NTRK1: variants seen among roughly 807,000 people sequenced by gnomAD.
NTRK1 encodes the protein high affinity nerve growth factor receptor.
Under a neutral mutation model 86.8 loss-of-function variants are expected in NTRK1, and 62 were observed. The ratio of observed to expected loss-of-function variants is 0.71; its 90% confidence interval spans 0.58 to 0.88. The LOEUF is 0.88. NTRK1 is among the 40% of genes least tolerant of loss of function. The pLI, the probability that NTRK1 is intolerant of heterozygous loss-of-function variation, is 0.00. For synonymous variants in NTRK1, 469 were observed against 456.6 expected (o/e 1.03, Z -0.35); for missense variants, 967 against 1,078.4 (o/e 0.90, Z 1.45).
intron 1 of NTRK1, among the ~76,000 whole-genome samples, chr1:156,826,372 C>T (rs931408802): frequency 6.2e-5 from 9 of 144,804 alleles, no homozygotes; most frequent in Non-Finnish European, 1.3e-4. Context: ...GTGATCTCGG[C>T]TCACTGCAAG....
Position 156,876,392 on chromosome 1 carries a change from C to A in NTRK1, c.1633-8C>A. 1.2e-6 allele frequency: 2 copies of A among 1,613,682 alleles called. No homozygotes were observed. Among genetic ancestry groups the A allele is most frequent in the Non-Finnish European group, 1.7e-6 (2 of 1,180,000 alleles). On this transcript the variant is annotated splice_polypyrimidine_tract_variant and splice_region_variant and intron_variant, in intron 13 of 16. Transcript: ENST00000524377. ...CAACTCAGTCCTGTCCCTGCCGCTT[C>A]CATCCAGGCACTGAAGGAGGCGTCC... is the stretch of plus-strand genomic sequence containing the variant.
At chr1:156,821,676 T>C (rs1654195703) in intron 1 of NTRK1, among the ~76,000 whole-genome samples, 1 of 152,194 alleles carries the variant, frequency 6.6e-6, no homozygotes, top group African/African-American at 2.4e-5. Context: ...TACTTCAAAA[T>C]GAGCTGCAAA....
At chr1:156,860,861 C>CGG, upstream of NTRK1, 1 of 1,382,728 alleles carries the variant, frequency 7.2e-7, no homozygotes, top group Non-Finnish European at 9.3e-7. Context: ...GCGCACATGT[C>CGG]GGGGGAGGCC....
chr1:156,851,620 G>A, intron 2 of NTRK1: 1 of 1,614,048 alleles, frequency 6.2e-7, no homozygotes. Flanking sequence ...CAGGAGGAGG[G>A]GTGTGGCCCC....
chr1:156,876,417 C>CATCCAGGCACTGAAG lies in NTRK1; in HGVS notation c.1650_1651insATCCAGGCACTGAAG (p.Ser550_Glu551insIleGlnAlaLeuLys). On this transcript the variant is annotated inframe_insertion, in exon 14 of 17. Coordinates refer to ENST00000524377, the MANE Select transcript of NTRK1 (RefSeq NM_002529.4). ...CCATCCAGGCACTGAAGGAGGCGTC[C>CATCCAGGCACTGAAG]GAGAGTGCTCGGCAGGACTTCCAGC... 1 of 1,613,826 alleles carries CATCCAGGCACTGAAG rather than the reference C, an allele frequency of 6.2e-7. No individual in the cohort carries two copies. Among genetic ancestry groups the CATCCAGGCACTGAAG allele is most frequent in the Non-Finnish European group, 8.5e-7 (1 of 1,180,032 alleles).
chr1:156,869,015 TCTC>T (rs1474275533), intron 6 of NTRK1, among the ~76,000 whole-genome samples: 3 of 31,348 alleles, frequency 9.6e-5, no homozygotes, highest in Non-Finnish European at 2.1e-4. Context: ...CACTTTTCTC[TCTC>T]CCTTCCTTCC....
At chr1:156,875,391 C>T (rs1009577613) in intron 11 of NTRK1, 129 bp from the exon 12 acceptor site, 2 of 1,281,818 alleles carry the variant, frequency 1.6e-6, no homozygotes, top group African/African-American at 1.5e-5. Flanking sequence ...TGCCTGCTGT[C>T]TCGCTCCCTA....
intron 1 of NTRK1, among the ~76,000 whole-genome samples, chr1:156,830,981 A>G (rs1369592960): frequency 1.3e-5 from 2 of 152,150 alleles, no homozygotes; most frequent in African/African-American, 2.4e-5. Context: ...GTTCTTGCTG[A>G]CTAGGGCTGA....
chr1:156,833,569 A>C (rs1398957854), intron 1 of NTRK1, among the ~76,000 whole-genome samples: 4 of 148,482 alleles, frequency 2.7e-5, no homozygotes, highest in African/African-American at 9.8e-5. Context: ...AAAAATAAAC[A>C]AAAAAAAGGT....
chr1:156,822,757 G>A (rs1654221790), intron 1 of NTRK1, among the ~76,000 whole-genome samples: 2 of 152,134 alleles, frequency 1.3e-5, no homozygotes, highest in East Asian at 3.9e-4. Context: ...CTGGTAGGGT[G>A]ATCCAGACCT....
rs780300091 is a variant in NTRK1, at chr1:156,868,547, A to T, written c.617A>T (p.Asp206Val). 1.5e-5 allele frequency: 23 copies of T among 1,558,212 alleles called. No homozygotes were observed. In the South Asian group the frequency reaches 2.7e-4, roughly 18 times the overall value. ...GTCCAGGTGCCCAATGCCTCGGTGGATGTGGGGGACGACGTGCTGCTGCGG... is the reference window on the plus strand; with the variant it reads ...GTCCAGGTGCCCAATGCCTCGGTGGTTGTGGGGGACGACGTGCTGCTGCGG... ...LKVQVPNASV[D>V]VGDDVLLRCQ... is the part of the protein sequence containing the mutation. Residue 206 changes from aspartate to valine, a missense_variant, in exon 6 of 17, where the codon GAT becomes GTT. Physicochemically the swap from Asp to Val is radical, Grantham distance 152 (BLOSUM62 -3). Around this residue, in one of 2 missense-constraint regions of NTRK1, gnomAD observed 330 missense variants for 302.0 expected, o/e 1.09. Coordinates refer to ENST00000524377, the MANE Select transcript of NTRK1 (RefSeq NM_002529.4).
chr1:156,873,054 T>TGTGTGC (rs1315170031), intron 7 of NTRK1, among the ~76,000 whole-genome samples: 2 of 151,212 alleles, frequency 1.3e-5, no homozygotes, highest in Non-Finnish European at 2.9e-5. Context: ...TGTGTGTGTG[T>TGTGTGC]GTGTGTGTTT....
chr1:156,846,517 A>ACTGCCTGC (rs1655015087), intron 2 of NTRK1: 1 of 1,609,878 alleles, frequency 6.2e-7, no homozygotes, highest in Non-Finnish European at 8.5e-7. Context: ...CCAAATGCCT[A>ACTGCCTGC]CCTGCAGGCA....
intron 3 of NTRK1, among the ~76,000 whole-genome samples, chr1:156,865,704 G>C (rs1475170965): frequency 6.6e-6 from 1 of 152,178 alleles, no homozygotes; most frequent in Non-Finnish European, 1.5e-5. Flanking sequence ...AGGACAGAGA[G>C]GGTCATGGGA....
chr1:156,819,544 G>A lies in NTRK1; in HGVS notation c.-64+3706G>A, dbSNP rs184705834. 2.3e-3 allele frequency among the ~76,000 whole-genome samples: 329 copies of A among 140,338 alleles called. 2 individuals carry two copies. The highest frequency in any genetic ancestry group is 7.2e-3 in the African/African-American group (274 of 38,088). 92.1% of individuals were successfully genotyped at this position (140,338 alleles called of 152,430 possible). On this transcript the variant is annotated intron_variant, in intron 1 of 16. Coordinates refer to the NTRK1 transcript ENST00000392302. Reference sequence around the variant, plus strand: ...TTTATTTTTATTATTTTTTTAGATGGAGTTTCGCTCTTGTTGCCCATGCTG... The same window carrying A: ...TTTATTTTTATTATTTTTTTAGATGAAGTTTCGCTCTTGTTGCCCATGCTG...
intron 1 of NTRK1, among the ~76,000 whole-genome samples, chr1:156,821,686 A>C (rs1398702990): frequency 1.3e-5 from 2 of 152,224 alleles, no homozygotes; most frequent in African/African-American, 4.8e-5. Flanking sequence ...TGAGCTGCAA[A>C]GTGCAGTGGC....
At chr1:156,833,147 C>T (rs938997712) in intron 1 of NTRK1, among the ~76,000 whole-genome samples, 4 of 152,350 alleles carry the variant, frequency 2.6e-5, no homozygotes, top group South Asian at 4.1e-4. Flanking sequence ...ATCCCAGCTC[C>T]GCCATTTATT....
At chr1:156,819,996 T>G (rs1292537499) in intron 1 of NTRK1, among the ~76,000 whole-genome samples, 1 of 152,196 alleles carries the variant, frequency 6.6e-6, no homozygotes, top group Non-Finnish European at 1.5e-5. Flanking sequence ...CATCTATTTA[T>G]TTTTGTTCTT....
intron 2 of NTRK1, chr1:156,851,997 C>G (rs770398033): frequency 1.9e-6 from 3 of 1,612,202 alleles, no homozygotes; most frequent in African/African-American, 1.3e-5. Flanking sequence ...GCACAGCGCT[C>G]AGCTGTGACA....
Sources: allele counts gnomAD v4.1 joint callset (sites outside exome capture counted in the v4.1 genomes callset), GRCh38; gene constraint gnomAD v4.1.1; regional missense constraint gnomAD v4.1.1; transcripts MANE v1.5; gene names NCBI Gene and HGNC (gene_info 2026-07-23, HGNC 2026-07-21).